FAM118B: variants seen among roughly 807,000 people sequenced by gnomAD.
FAM118B encodes protein FAM118B.
Under a neutral mutation model 38.5 loss-of-function variants are expected in FAM118B, and 24 were observed. The observed-to-expected ratio is 0.62, with a 90% confidence interval of 0.45 to 0.88. FAM118B has a LOEUF of 0.88. FAM118B is among the 40% of genes least tolerant of loss of function. The pLI is 0.00. For missense variants in FAM118B, 334 were observed against 420.0 expected, an observed-to-expected ratio of 0.80 and a Z score of 1.79; for synonymous variants, 138 against 156.3, an observed-to-expected ratio of 0.88 and a Z score of 0.87.
Position 126,235,206 on chromosome 11 carries a change from AAAATT to A in FAM118B, c.86+125_86+129del, listed in dbSNP as rs1381548498. The A allele has an allele frequency of 5.2e-6, 4 of 774,654 alleles. No homozygotes were observed. The African/African-American group carries it at 7.0e-5, about 14-fold the overall frequency. The allele number at this position is 774,654 out of a possible 1,614,324, so 48.0% of individuals were successfully genotyped here. ...CTAATTAGTATTGACCTTCATACTC[AAAATT>A]AAATTGTTTTTATTTTGGGTTTAAT... On this transcript the variant is annotated intron_variant, in intron 3 of 8. Transcript: ENST00000533050.
At chr11:126,230,181 A>C (rs1255186054) in intron 2 of FAM118B, among the ~76,000 whole-genome samples, 1 of 152,200 alleles carries the variant, frequency 6.6e-6, no homozygotes, top group Admixed American at 6.5e-5. Context: ...AGTTTGCTTT[A>C]TCCACTGATG....
rs562175455 is a variant in FAM118B at position 126,257,371 on chromosome 11, G to T, written c.982+519G>T. Reference sequence around the variant, plus strand: ...CACAATCACACAATTGTACAAAGATGCATGCGTGGGAATGTAATTTCCATT... The same window carrying T: ...CACAATCACACAATTGTACAAAGATTCATGCGTGGGAATGTAATTTCCATT... On this transcript the variant is annotated intron_variant, in intron 7 of 8. Transcript: ENST00000533050. 2.0e-5 allele frequency among the ~76,000 whole-genome samples: 3 copies of T among 152,312 alleles called. No individual in the cohort carries two copies. In the East Asian group the frequency reaches 5.8e-4, roughly 29 times the overall value.
Position 126,244,394 on chromosome 11 carries a change from AAT to A in FAM118B, c.339+3356_339+3357del, listed in dbSNP as rs1950395997. 2.0e-5 allele frequency among the ~76,000 whole-genome samples: 3 copies of A among 152,260 alleles called. No individual in the cohort carries two copies. The highest frequency in any genetic ancestry group is 2.0e-4 in the Admixed American group (3 of 15,276). ...TAGCAAGGTTGGAGAATCCGGGATCAATATATAAAAATAGTATTTTTATACAC... is the reference window on the plus strand; with the variant it reads ...TAGCAAGGTTGGAGAATCCGGGATCAATATAAAAATAGTATTTTTATACAC... On this transcript the variant is annotated intron_variant, in intron 4 of 8. Transcript: ENST00000533050. This position sits in a 1 kb window ranked among gnomAD's most constrained non-coding sequence, Gnocchi z 4.5.
chr11:126,226,639 C>T (rs1172234669), intron 1 of FAM118B, among the ~76,000 whole-genome samples: 1 of 152,224 alleles, frequency 6.6e-6, no homozygotes, highest in East Asian at 1.9e-4. Flanking sequence ...AATGCAACTA[C>T]CTCTTTTGGC....
intron 5 of FAM118B, among the ~76,000 whole-genome samples, chr11:126,251,718 T>A (rs1452605588): frequency 1.3e-5 from 2 of 151,896 alleles, no homozygotes; most frequent in African/African-American, 4.8e-5. Flanking sequence ...TAGCACTTAG[T>A]ATTAACTTGC....
At chr11:126,216,470 T>A (rs572058899) in intron 1 of FAM118B, among the ~76,000 whole-genome samples, 21 of 152,214 alleles carry the variant, frequency 1.4e-4, no homozygotes, top group Non-Finnish European at 2.4e-4. Flanking sequence ...TTTTCCTCTT[T>A]TCCTCTGTCT....
chr11:126,256,545 A>T lies in FAM118B; in HGVS notation c.697-22A>T, dbSNP rs763609294. 4 of 1,609,400 alleles carry T rather than the reference A, an allele frequency of 2.5e-6. No homozygotes were observed. The East Asian group carries it at 8.9e-5, about 36-fold the overall frequency. ...TTGAGTGTGTCTTCACAATGTCAAT[A>T]TGTTGTATCTTTTCCTTCCAGAGAG... On this transcript the variant is annotated intron_variant, in intron 6 of 8. Transcript: ENST00000533050. This position sits in a 1 kb window ranked among gnomAD's most constrained non-coding sequence, Gnocchi z 6.6.
At chr11:126,240,617 A>G (rs1005435072) in intron 3 of FAM118B, among the ~76,000 whole-genome samples, 175 bp from the exon 4 acceptor site, 12 of 152,286 alleles carry the variant, frequency 7.9e-5, no homozygotes, top group Non-Finnish European at 1.8e-4. Flanking sequence ...GCAAGCACTG[A>G]CACAATATTC....
At position 126,262,316 on chromosome 11, in the gene FAM118B, G is replaced by C; in HGVS notation, c.*183G>C. On this transcript the variant is annotated 3_prime_UTR_variant, in exon 9 of 9. Coordinates refer to ENST00000533050, the MANE Select transcript of FAM118B (RefSeq NM_024556.4). ...TAATCCTTCATACCACCTGGTTCTTGATATTCTGCCGCCTGTTCAAGTTCA... is the reference window on the plus strand; with the variant it reads ...TAATCCTTCATACCACCTGGTTCTTCATATTCTGCCGCCTGTTCAAGTTCA... 1 of 477,046 alleles carries C rather than the reference G, an allele frequency of 2.1e-6. No homozygotes were observed. The highest frequency in any genetic ancestry group is 4.2e-5 in the East Asian group (1 of 23,808). The allele number at this position is 477,046 out of a possible 1,614,324, so 29.6% of individuals were successfully genotyped here.
chr11:126,261,307 C>G (rs1950692712), intron 7 of FAM118B, 118 bp from the exon 8 acceptor site: 2 of 745,448 alleles, frequency 2.7e-6, no homozygotes, highest in Non-Finnish European at 4.5e-6. Context: ...TGTTTCATTT[C>G]TAAATGCCCA....
At chr11:126,258,072 A>T (rs2135218363) in intron 7 of FAM118B, among the ~76,000 whole-genome samples, 1 of 152,332 alleles carries the variant, frequency 6.6e-6, no homozygotes. Flanking sequence ...CTGAAAACTT[A>T]TGTAAGTATT....
intron 1 of FAM118B, among the ~76,000 whole-genome samples, chr11:126,223,491 G>A (rs936686518): frequency 3.3e-5 from 5 of 151,818 alleles, no homozygotes; most frequent in Non-Finnish European, 5.9e-5. Context: ...CCAGCTACTC[G>A]GGAGGCTGAG....
At chr11:126,242,024 CAAAA>C (rs60865966) in intron 4 of FAM118B, among the ~76,000 whole-genome samples, 4 of 88,414 alleles carry the variant, frequency 4.5e-5, no homozygotes, top group Non-Finnish European at 4.5e-5. Context: ...GACTCCGTCT[CAAAA>C]AAAAAAAAAA....
intron 1 of FAM118B, among the ~76,000 whole-genome samples, chr11:126,225,224 T>A (rs1950124994): frequency 6.6e-6 from 1 of 152,206 alleles, no homozygotes; most frequent in Admixed American, 6.5e-5. Flanking sequence ...TCTTTCGAGC[T>A]CAGTACCACC....
rs761676919 is a variant in FAM118B at position 126,240,997 on chromosome 11, A to G, written c.292A>G (p.Lys98Glu). Residue 98 changes from lysine to glutamate, a missense_variant, in exon 4 of 9, where the codon AAG becomes GAG. Lys to Glu is a moderately conservative substitution (Grantham distance 56, BLOSUM62 1). Transcript: ENST00000533050. The stretch of plus-strand genomic sequence containing the variant: ...GTTTCAGAAATGTCTCCATGAAGAC[A>G]AGAACCTGGTCCATGTTGCCCATGA... Reference protein sequence around the residue: ...KKFQKCLHEDKNLVHVAHDLI... With the variant: ...KKFQKCLHEDENLVHVAHDLI... 6 of 1,613,690 alleles carry G rather than the reference A, an allele frequency of 3.7e-6. No individual in the cohort carries two copies. The highest frequency in any genetic ancestry group is 8.5e-7 in the Non-Finnish European group (1 of 1,179,882).
intron 1 of FAM118B, among the ~76,000 whole-genome samples, chr11:126,219,349 CTTTTTTTTTTTTTTTTTTTTTT>C (rs549922825): frequency 1.8e-3 from 80 of 44,468 alleles, no homozygotes; most frequent in African/African-American, 6.7e-3. Flanking sequence ...TCTTGTTTAT[CTTTTTTTTTTTTTTTTTTTTTT>C]TTTTTTTTTT....
intron 3 of FAM118B, among the ~76,000 whole-genome samples, chr11:126,240,275 C>CT (rs199839025): frequency 0.03 from 4,092 of 136,404 alleles, 90 homozygotes; most frequent in Non-Finnish European, 0.048. Flanking sequence ...CTTTTTTTTT[C>CT]TTTTTTTTTT....
At chr11:126,233,768 C>T in intron 2 of FAM118B, 1 of 455,752 alleles carries the variant, frequency 2.2e-6, no homozygotes, top group Non-Finnish European at 4.4e-6. Context: ...AATTCAGAAA[C>T]TTAGTGTTTT....
At chr11:126,224,732 C>T (rs922418097) in intron 1 of FAM118B, among the ~76,000 whole-genome samples, 4 of 152,272 alleles carry the variant, frequency 2.6e-5, no homozygotes, top group African/African-American at 4.8e-5. Context: ...ACCCCAAGGT[C>T]GGGGTGTACC....
Sources: gnomAD v4.1 joint callset for allele counts (sites outside exome capture counted in the v4.1 genomes callset) on GRCh38, gnomAD v4.1.1 for gene constraint, Gnocchi (gnomAD v3.1) non-coding constraint, MANE v1.5 for transcripts, NCBI Gene and HGNC (gene_info 2026-07-23, HGNC 2026-07-21) for gene names.